Variants in PADI4 observed in about 807,000 individuals in gnomAD.
PADI4 encodes the protein protein-arginine deiminase type-4.
Under a neutral mutation model 75.0 loss-of-function variants are expected in PADI4, and 62 were observed. The ratio of observed to expected loss-of-function variants is 0.83; its 90% CI spans 0.67 to 1.02. The LOEUF is 1.02. Among genes scored for constraint, PADI4 ranks in the 50% least tolerant of loss-of-function variants. The pLI, the probability that PADI4 is intolerant of heterozygous loss-of-function variation, is 0.00. For synonymous variants in PADI4, 361 were observed against 348.1 expected, an observed-to-expected ratio of 1.04 and a Z score of -0.41; for missense variants, 845 against 850.5, an observed-to-expected ratio of 0.99 and a Z score of 0.08.
intron 13 of PADI4, among the ~76,000 whole-genome samples, chr1:17,357,093 A>G (rs2074773812): frequency 6.6e-6 from 1 of 152,222 alleles, no homozygotes; most frequent in Non-Finnish European, 1.5e-5. Flanking sequence ...GCGTTAATGC[A>G]AGGCAAAATG....
intron 10 of PADI4, 109 bp from the exon 11 acceptor site, chr1:17,354,424 G>C: frequency 1.1e-6 from 1 of 888,286 alleles, no homozygotes; most frequent in Non-Finnish European, 1.9e-6. Flanking sequence ...AGCTGTAGAC[G>C]GTACTGAGTT....
At chr1:17,350,831 G>A (rs1176166714) in intron 10 of PADI4, among the ~76,000 whole-genome samples, 2 of 129,708 alleles carry the variant, frequency 1.5e-5, no homozygotes, top group African/African-American at 5.0e-5. Flanking sequence ...CTGGCCCAGA[G>A]AGACAGACAG....
chr1:17,342,345 T>C lies in PADI4; in HGVS notation c.878T>C (p.Val293Ala), dbSNP rs113714693. 8.1e-4 allele frequency: 1,300 copies of C among 1,614,058 alleles called. 11 individuals carry two copies. In the African/African-American group the frequency reaches 0.015, roughly 19 times the overall value. ...VVFQDSVVFRVAPWIMTPNTQ... is the reference protein window; with the variant it reads ...VVFQDSVVFRAAPWIMTPNTQ... ...TTCCAAGACAGCGTGGTCTTCCGCG[T>C]GGCGCCCTGGATCATGACCCCCAAC... Residue 293 changes from valine to alanine, a missense_variant, in exon 8 of 16, where the codon GTG (valine) becomes GCG (alanine). Coordinates refer to ENST00000375448, the MANE Select transcript of PADI4 (RefSeq NM_012387.3).
chr1:17,325,743 CT>C (rs2074107937), intron 1 of PADI4, among the ~76,000 whole-genome samples: 1 of 150,080 alleles, frequency 6.7e-6, no homozygotes. Context: ...GAGTCTCACT[CT>C]GTTACCCAGG....
chr1:17,341,379 G>T (rs1179027391), intron 6 of PADI4, among the ~76,000 whole-genome samples: 1 of 152,164 alleles, frequency 6.6e-6, no homozygotes, highest in Admixed American at 6.5e-5. Context: ...GATTACAGGC[G>T]TAAGCCACCA....
At chr1:17,309,293 C>A (rs868060643) in intron 1 of PADI4, among the ~76,000 whole-genome samples, 4 of 152,000 alleles carry the variant, frequency 2.6e-5, no homozygotes, top group African/African-American at 9.7e-5. Context: ...TCCAGCTGTG[C>A]AGCTGCAAGG....
At chr1:17,338,353 G>C (rs114242015) in intron 5 of PADI4, among the ~76,000 whole-genome samples, 198 bp downstream of exon 5, 110 of 152,320 alleles carry the variant, frequency 7.2e-4, no homozygotes, top group African/African-American at 2.6e-3. Flanking sequence ...AGCGGTCAGG[G>C]AAGAGCTGAG....
intron 10 of PADI4, among the ~76,000 whole-genome samples, chr1:17,350,245 T>C (rs12752435): frequency 0.33 from 42,043 of 128,190 alleles, 12,882 homozygotes; most frequent in Non-Finnish European, 0.37. Flanking sequence ...TTGTTCTTCC[T>C]GTAAGCATCG....
intron 11 of PADI4, 92 bp downstream of exon 11, chr1:17,354,779 C>T (rs977307052): frequency 1.0e-4 from 129 of 1,237,574 alleles, no homozygotes; most frequent in East Asian, 3.6e-4. Flanking sequence ...TTCCTGCTTC[C>T]GATTCTAGAC....
rs931682666 is a variant in PADI4, at chr1:17,342,875, C to T, written c.935+473C>T. 2.6e-5 allele frequency among the ~76,000 whole-genome samples: 4 copies of T among 152,118 alleles called. No homozygotes were observed. In the East Asian group the frequency reaches 5.8e-4, roughly 22 times the overall value. ...CCTGTAATCCAGCTACTCAGGAGGC[C>T]GAGGCACGAGAATTGCTTGAACCCT... On this transcript the variant is annotated intron_variant, in intron 8 of 15. Transcript: ENST00000375448.
intron 1 of PADI4, among the ~76,000 whole-genome samples, chr1:17,311,253 ACT>A (rs1473180653): frequency 6.6e-6 from 1 of 151,152 alleles, no homozygotes; most frequent in Non-Finnish European, 1.5e-5. Flanking sequence ...ACAGAGTGAG[ACT>A]CTGTCTCAAA....
At position 17,358,590 on chromosome 1, in the gene PADI4, A is replaced by C. The variant is rs7546502; in HGVS notation, c.1559-248A>C. 1.3e-4 allele frequency among the ~76,000 whole-genome samples: 2 copies of C among 15,492 alleles called. 1 individual carries two copies. The highest frequency in any genetic ancestry group is 3.1e-4 in the Non-Finnish European group (2 of 6,384). The allele number at this position is 15,492 out of a possible 152,430, so 10.2% of individuals were successfully genotyped here. On this transcript the variant is annotated intron_variant, in intron 13 of 15. Coordinates refer to ENST00000375448, the MANE Select transcript of PADI4 (RefSeq NM_012387.3). ...CAAAAAAAAAAAAAAATAATAATAA[A>C]AATAAAAATATATTTTAAAAAGAAT...
chr1:17,314,267 A>C (rs1486407075), intron 1 of PADI4, among the ~76,000 whole-genome samples: 1 of 152,118 alleles, frequency 6.6e-6, no homozygotes, highest in Non-Finnish European at 1.5e-5. Flanking sequence ...TCCTCTGACC[A>C]CAGTGCCCAG....
chr1:17,355,303 G>A (rs2074741067), intron 11 of PADI4, among the ~76,000 whole-genome samples: 2 of 152,346 alleles, frequency 1.3e-5, no homozygotes, highest in African/African-American at 4.8e-5. Flanking sequence ...TGTAATCCCA[G>A]CACTTTGGGA....
intron 1 of PADI4, among the ~76,000 whole-genome samples, chr1:17,317,733 G>A (rs2073965482): frequency 6.6e-6 from 1 of 152,106 alleles, no homozygotes. Context: ...TTAAAACACA[G>A]ATTGCTGCCG....
chr1:17,358,946 G>A lies in PADI4; in HGVS notation c.1629+38G>A, dbSNP rs569054730. ...GTGCCTACACCCCAGCAGACCTGAC[G>A]CCCTGTCCCCGGCTCAGCCACTTTC... On this transcript the variant is annotated intron_variant, in intron 14 of 15. Transcript: ENST00000375448. 1.6e-5 allele frequency: 23 copies of A among 1,419,384 alleles called. No homozygotes were observed. The East Asian group carries it at 3.9e-4, about 24-fold the overall frequency. 87.9% of individuals were successfully genotyped at this position (1,419,384 alleles called of 1,614,324 possible). A position where few individuals can be genotyped will look rare whatever the true frequency, so the allele number is the denominator to read the frequency against.
In PADI4 at chr1:17,363,856, G is replaced by A. The variant is rs564113891; in HGVS notation, c.*101G>A. 3.0e-5 allele frequency: 23 copies of A among 774,746 alleles called. No individual in the cohort carries two copies. The highest frequency in any genetic ancestry group is 2.4e-4 in the East Asian group (9 of 37,964). 48.0% of individuals were successfully genotyped at this position (774,746 alleles called of 1,614,324 possible). On this transcript the variant is annotated 3_prime_UTR_variant, in exon 16 of 16. Transcript: ENST00000375448. Reference sequence around the variant, plus strand: ...TTGTGAATATTGTGGCTCCCTGGGGGCGGCCAGCCCTCCCAGCAGTGGCTT... The same window carrying A: ...TTGTGAATATTGTGGCTCCCTGGGGACGGCCAGCCCTCCCAGCAGTGGCTT...
intron 10 of PADI4, 55 bp from the exon 11 acceptor site, chr1:17,354,478 C>T (rs2074724837): frequency 6.4e-7 from 1 of 1,553,040 alleles, no homozygotes; most frequent in African/African-American, 1.4e-5. Context: ...ACCCCCCGAC[C>T]CTTCACCAGG....
At chr1:17,338,427 C>T (rs1447062656) in intron 5 of PADI4, among the ~76,000 whole-genome samples, 2 of 152,166 alleles carry the variant, frequency 1.3e-5, no homozygotes, top group Non-Finnish European at 2.9e-5. Flanking sequence ...TGCTGCCCAA[C>T]CTAAACGCTC....
Sources: gnomAD v4.1 joint callset for allele counts (sites outside exome capture counted in the v4.1 genomes callset) on GRCh38, gnomAD v4.1.1 for gene constraint, MANE v1.5 for transcripts, NCBI Gene and HGNC (gene_info 2026-07-23, HGNC 2026-07-21) for gene names.